The following KLHL20 variants were observed in gnomAD, a reference collection of about 807,000 sequenced individuals.
The protein encoded by KLHL20 is kelch-like protein 20.
KLHL20 carries 29 observed loss-of-function variants against 69.5 expected under a neutral mutation model. The observed-to-expected ratio is 0.42, with a 90% CI of 0.31 to 0.57. The LOEUF (loss-of-function observed/expected upper bound fraction) is 0.57, where lower values mean the gene tolerates loss of function less well. Ranked by LOEUF, KLHL20 falls within the 20% of genes least tolerant of loss-of-function variation. The probability of loss-of-function intolerance (pLI) is 0.18; values close to 1 mark genes in which losing one functional copy is unlikely to be tolerated. For synonymous variants in KLHL20, 253 were observed against 265.2 expected (o/e 0.95, Z 0.45); for missense variants, 419 against 776.0 (o/e 0.54, Z 5.47).
intron 3 of KLHL20, among the ~76,000 whole-genome samples, chr1:173,737,285 A>T (rs1440406897): frequency 6.6e-6 from 1 of 152,194 alleles, no homozygotes; most frequent in Non-Finnish European, 1.5e-5. Flanking sequence ...CTTGATCATG[A>T]ACTCTTTGCC....
At chr1:173,719,117 A>G (rs1290257708) in intron 2 of KLHL20, among the ~76,000 whole-genome samples, 2 of 151,862 alleles carry the variant, frequency 1.3e-5, no homozygotes, top group Non-Finnish European at 2.9e-5. Flanking sequence ...AAAAAAAAAG[A>G]AAAATTATTT....
intron 7 of KLHL20, among the ~76,000 whole-genome samples, chr1:173,758,928 G>A (rs919003319): frequency 6.6e-6 from 1 of 152,312 alleles, no homozygotes; most frequent in South Asian, 2.1e-4. Context: ...CCGGCAGGGG[G>A]AAAACTAAAG....
intron 2 of KLHL20, among the ~76,000 whole-genome samples, chr1:173,728,557 T>C (rs1398157995): frequency 6.6e-6 from 1 of 152,154 alleles, no homozygotes; most frequent in Non-Finnish European, 1.5e-5. Context: ...CAGACCACAG[T>C]GCAATCAAAC....
chr1:173,716,058 A>G lies in KLHL20; in HGVS notation c.15A>G (p.Pro5=). 1 of 1,613,754 alleles carries G rather than the reference A, an allele frequency of 6.2e-7. No homozygotes were observed. Residue 5 remains proline (P), a synonymous_variant, in exon 2 of 12, where the codon CCA becomes CCG. Transcript: ENST00000209884. ...TTTCATGGTGCATGGAAGGAAAGCCAATGCGCAGGTAGGCATTTAGGAAGA... is the reference window on the plus strand; with the variant it reads ...TTTCATGGTGCATGGAAGGAAAGCCGATGCGCAGGTAGGCATTTAGGAAGA... MEGK[P]MRRCTNIRPG...
At chr1:173,730,256 G>A (rs1191263668) in intron 2 of KLHL20, among the ~76,000 whole-genome samples, 1 of 152,026 alleles carries the variant, frequency 6.6e-6, no homozygotes, top group Non-Finnish European at 1.5e-5. Flanking sequence ...CATGCTCATG[G>A]GTAGGAAGAA....
At chr1:173,764,199 G>T (rs939838673) in intron 7 of KLHL20, among the ~76,000 whole-genome samples, 1 of 152,122 alleles carries the variant, frequency 6.6e-6, no homozygotes, top group Non-Finnish European at 1.5e-5. Flanking sequence ...TGCAAGGATG[G>T]CCATAATAAA....
At chr1:173,753,959 A>C (rs1254544661) in intron 5 of KLHL20, among the ~76,000 whole-genome samples, 1 of 152,230 alleles carries the variant, frequency 6.6e-6, no homozygotes, top group Non-Finnish European at 1.5e-5. Flanking sequence ...ATCTGAAATC[A>C]TCTGGGATTG....
chr1:173,775,988 A>T, intron 10 of KLHL20, 146 bp downstream of exon 10: 1 of 675,402 alleles, frequency 1.5e-6, no homozygotes, highest in Admixed American at 2.9e-5. Context: ...GGATCATATG[A>T]TATTTCTATT....
rs959970966 is a variant in KLHL20, at chr1:173,774,300, T to G, written c.1296-5T>G. On this transcript the variant is annotated splice_region_variant and splice_polypyrimidine_tract_variant and intron_variant, in intron 8 of 11. Transcript: ENST00000209884. ...AAGCATACAGTCTGGTTTCCCTCAC[T>G]GCAGGTATGATCCGAAGGAGAACAA... The G allele has an allele frequency of 3.7e-6, 6 of 1,614,064 alleles. No homozygotes were observed. Among genetic ancestry groups the G allele is most frequent in the Admixed American group, 1.7e-5 (1 of 60,004 alleles).
intron 3 of KLHL20, among the ~76,000 whole-genome samples, chr1:173,739,221 C>T (rs1278858213): frequency 1.3e-5 from 2 of 152,064 alleles, no homozygotes; most frequent in African/African-American, 4.8e-5. Context: ...TACAGGCACC[C>T]ACCACCACGC....
At chr1:173,751,679 C>A in intron 3 of KLHL20, 85 bp from the exon 4 acceptor site, 1 of 1,345,870 alleles carries the variant, frequency 7.4e-7, no homozygotes, top group Non-Finnish European at 1.0e-6. Flanking sequence ...TAGAATACAG[C>A]TTTGTCCCAT....
chr1:173,758,887 G>A (rs1471340227), intron 7 of KLHL20, among the ~76,000 whole-genome samples: 4 of 152,208 alleles, frequency 2.6e-5, no homozygotes, highest in Admixed American at 6.5e-5. Flanking sequence ...CAGAACTCAA[G>A]GTAGGGTGCA....
intron 2 of KLHL20, among the ~76,000 whole-genome samples, chr1:173,721,521 G>A (rs1241459681): frequency 5.3e-5 from 8 of 152,026 alleles, no homozygotes; most frequent in Non-Finnish European, 2.9e-5. Context: ...GTTGTTGAGG[G>A]GTATTCTAGG....
intron 3 of KLHL20, chr1:173,741,758 CA>C (rs1672818431): frequency 1.9e-5 from 27 of 1,439,368 alleles, no homozygotes; most frequent in Non-Finnish European, 2.5e-5. Context: ...TTCAGAGCCC[CA>C]ATTCCTACTT....
chr1:173,755,873 C>T (rs748114703), intron 5 of KLHL20, 50 bp from the exon 6 acceptor site: 2 of 1,230,944 alleles, frequency 1.6e-6, no homozygotes, highest in Non-Finnish European at 1.2e-6. Flanking sequence ...TGGGACTTAA[C>T]TAACAATGTA....
At chr1:173,747,002 G>T (rs561761896) in intron 3 of KLHL20, among the ~76,000 whole-genome samples, 89 of 151,312 alleles carry the variant, frequency 5.9e-4, no homozygotes, top group African/African-American at 2.1e-3. Flanking sequence ...TTTCTAGATG[G>T]AAGGGTTTTT....
At position 173,767,317 on chromosome 1, in the gene KLHL20, A is replaced by T. The variant is rs538946250; in HGVS notation, c.1295+1028A>T. 1.1e-4 allele frequency among the ~76,000 whole-genome samples: 16 copies of T among 152,300 alleles called. No individual in the cohort carries two copies. The South Asian group carries it at 3.3e-3, about 32-fold the overall frequency. ...GTTGAGGTACATTTAGCTTAACTTC[A>T]TATCTGGTCTATTATAAATAATGCT... On this transcript the variant is annotated intron_variant, in intron 8 of 11. Coordinates refer to ENST00000209884, the MANE Select transcript of KLHL20 (RefSeq NM_014458.4).
Position 173,733,950 on chromosome 1 carries a change from A to G in KLHL20, c.261A>G (p.Ser87=). 6.2e-7 allele frequency: 1 copy of G among 1,614,204 alleles called. No individual in the cohort carries two copies. Among genetic ancestry groups the G allele is most frequent in the Non-Finnish European group, 8.5e-7 (1 of 1,180,040 alleles). ...TATATGCCCATCGAGTCATTTTGTC[A>G]GCCTGTAGTCCCTACTTCCGAGCTA... is the stretch of plus-strand genomic sequence containing the variant. ...KKIYAHRVIL[S]ACSPYFRAMF... Residue 87 remains serine (S), a synonymous_variant, in exon 3 of 12, where the codon TCA becomes TCG. Coordinates refer to ENST00000209884, the MANE Select transcript of KLHL20 (RefSeq NM_014458.4).
chr1:173,753,142 C>A, intron 4 of KLHL20, 71 bp from the exon 5 acceptor site: 1 of 1,258,212 alleles, frequency 7.9e-7, no homozygotes, highest in Admixed American at 1.9e-5. Flanking sequence ...CACTGTACTC[C>A]AGCCTAGGCA....
Sources: gnomAD v4.1 joint callset for allele counts (sites outside exome capture counted in the v4.1 genomes callset) on GRCh38, gnomAD v4.1.1 for gene constraint, MANE v1.5 for transcripts, NCBI Gene and HGNC (gene_info 2026-07-23, HGNC 2026-07-21) for gene names.